FBXW7: variants seen among roughly 807,000 people sequenced by gnomAD.
FBXW7 encodes the protein F-box and WD repeat domain containing 7.
In FBXW7, 11 loss-of-function variants were observed where a neutral mutation model predicts 86.3. That is an observed-to-expected ratio of 0.13 (90% confidence interval 0.08 to 0.21). The LOEUF (loss-of-function observed/expected upper bound fraction) is 0.21, where lower values mean the gene tolerates loss of function less well. Ranked by LOEUF, FBXW7 falls within the 10% of genes least tolerant of loss-of-function variation. The pLI is 1.00. For missense variants in FBXW7, 488 were observed against 847.4 expected (o/e 0.58, Z 5.27); for synonymous variants, 313 against 297.9 (o/e 1.05, Z -0.52).
chr4:152,326,988 C>T (rs1392667683), intron 11 of FBXW7, among the ~76,000 whole-genome samples: 3 of 152,080 alleles, frequency 2.0e-5, no homozygotes, highest in Admixed American at 6.6e-5. Context: ...TTTGGTTCAA[C>T]ATCAGCGCTA....
intron 2 of FBXW7, among the ~76,000 whole-genome samples, chr4:152,491,735 T>C (rs1310700999): frequency 5.9e-5 from 9 of 152,072 alleles, no homozygotes; most frequent in Non-Finnish European, 8.8e-5. Flanking sequence ...ATGGAAAACT[T>C]TGAACACACA....
At chr4:152,433,883 T>TAC (rs1338586718) in intron 2 of FBXW7, among the ~76,000 whole-genome samples, 1 of 152,262 alleles carries the variant, frequency 6.6e-6, no homozygotes, top group Non-Finnish European at 1.5e-5. Context: ...CCACGCATCT[T>TAC]ACATGTATTT....
intron 11 of FBXW7, among the ~76,000 whole-genome samples, chr4:152,327,612 T>C (rs1169690742): frequency 1.3e-5 from 2 of 152,076 alleles, no homozygotes; most frequent in Admixed American, 6.6e-5. Flanking sequence ...ATTTCTTCCT[T>C]AATTCGTTAG....
At chr4:152,403,168 C>T (rs564894216) in intron 4 of FBXW7, among the ~76,000 whole-genome samples, 2 of 152,270 alleles carry the variant, frequency 1.3e-5, no homozygotes, top group Admixed American at 1.3e-4. Flanking sequence ...CCTCATAAAG[C>T]AGTGGCCACT....
At chr4:152,505,296 C>A (rs1747310362) in intron 2 of FBXW7, among the ~76,000 whole-genome samples, 1 of 152,060 alleles carries the variant, frequency 6.6e-6, no homozygotes, top group Non-Finnish European at 1.5e-5. Context: ...TTGTATACTA[C>A]CATACACTTT....
chr4:152,519,115 G>A (rs1384802829), intron 2 of FBXW7, among the ~76,000 whole-genome samples: 2 of 152,032 alleles, frequency 1.3e-5, no homozygotes, highest in East Asian at 1.9e-4. Context: ...TGGCTAACAC[G>A]GTGAAACCCC....
intron 2 of FBXW7, among the ~76,000 whole-genome samples, chr4:152,462,481 A>C (rs1015059047): frequency 6.6e-6 from 1 of 152,208 alleles, no homozygotes; most frequent in East Asian, 1.9e-4. Flanking sequence ...CAGAGTTTAC[A>C]CTCAGATTTT....
intron 2 of FBXW7, among the ~76,000 whole-genome samples, chr4:152,451,387 C>G (rs554054727): frequency 1.3e-5 from 2 of 152,242 alleles, no homozygotes; most frequent in African/African-American, 2.4e-5. Context: ...AAATGGTAGT[C>G]TAAAAGATGT....
intron 2 of FBXW7, among the ~76,000 whole-genome samples, chr4:152,458,816 G>A (rs1364517992): frequency 6.6e-6 from 1 of 152,144 alleles, no homozygotes; most frequent in Non-Finnish European, 1.5e-5. Context: ...AGGGAGGTGG[G>A]GGTAGGATCT....
intron 2 of FBXW7, among the ~76,000 whole-genome samples, chr4:152,469,332 T>C (rs973746142): frequency 2.6e-5 from 4 of 152,110 alleles, no homozygotes; most frequent in Admixed American, 1.3e-4. Context: ...TACTATGTAG[T>C]TGAAGTAAAA....
intron 2 of FBXW7, chr4:152,451,884 T>C (rs997758045): frequency 4.6e-5 from 7 of 152,150 alleles, no homozygotes; most frequent in East Asian, 1.9e-4. Flanking sequence ...TTGTCACACA[T>C]AGCCTCTGAG....
intron 4 of FBXW7, among the ~76,000 whole-genome samples, chr4:152,367,986 G>A (rs1733654170): frequency 6.6e-6 from 1 of 151,326 alleles, no homozygotes. Flanking sequence ...CTTTTTTTTT[G>A]TAAGAGTCGA....
At chr4:152,439,225 C>A (rs2126976624) in intron 2 of FBXW7, among the ~76,000 whole-genome samples, 1 of 152,096 alleles carries the variant, frequency 6.6e-6, no homozygotes, top group African/African-American at 2.4e-5. Context: ...AATATTTTTC[C>A]CACGTTAATT....
intron 7 of FBXW7, among the ~76,000 whole-genome samples, chr4:152,333,084 A>G (rs1009998781): frequency 1.3e-5 from 2 of 152,140 alleles, no homozygotes; most frequent in Admixed American, 6.5e-5. Flanking sequence ...TTCACTGAAG[A>G]TAGGACCTAA....
At chr4:152,498,653 CA>C (rs1010267064) in intron 2 of FBXW7, among the ~76,000 whole-genome samples, 3 of 151,914 alleles carry the variant, frequency 2.0e-5, no homozygotes, top group African/African-American at 7.3e-5. Flanking sequence ...CAAAACAAAA[CA>C]AAAAAACACC....
chr4:152,462,926 T>C (rs2149634660), intron 2 of FBXW7, among the ~76,000 whole-genome samples: 1 of 151,906 alleles, frequency 6.6e-6, no homozygotes, highest in Non-Finnish European at 1.5e-5. Context: ...TCTTTTTTTT[T>C]TTTTTTTTTT....
At chr4:152,323,262 A>G in intron 13 of FBXW7, 113 bp from the exon 14 acceptor site, 1 of 1,225,160 alleles carries the variant, frequency 8.2e-7, no homozygotes, top group Admixed American at 2.6e-5. Flanking sequence ...CAACATTTGA[A>G]ATGATACATA....
intron 2 of FBXW7, among the ~76,000 whole-genome samples, chr4:152,476,673 G>A (rs1422212387): frequency 6.6e-6 from 1 of 152,090 alleles, no homozygotes; most frequent in Non-Finnish European, 1.5e-5. Flanking sequence ...ACTATCTTCT[G>A]TCAGATAAAT....
chr4:152,509,245 G>T (rs1451779505), intron 2 of FBXW7, among the ~76,000 whole-genome samples: 1 of 152,140 alleles, frequency 6.6e-6, no homozygotes, highest in Non-Finnish European at 1.5e-5. Flanking sequence ...AGTATTACAT[G>T]AATGTTAATC....
Sources: allele counts gnomAD v4.1 joint callset (sites outside exome capture counted in the v4.1 genomes callset), GRCh38; gene constraint gnomAD v4.1.1; transcripts MANE v1.5; gene names NCBI Gene and HGNC (gene_info 2026-07-23, HGNC 2026-07-21).